Variants in EBF1 observed in about 807,000 individuals in gnomAD.
The protein encoded by EBF1 is EBF transcription factor 1.
Under a neutral mutation model 68.4 loss-of-function variants are expected in EBF1, and 10 were observed. That is an observed-to-expected ratio of 0.15 (90% CI 0.09 to 0.25). The LOEUF (loss-of-function observed/expected upper bound fraction) is 0.25. Ranked by LOEUF, EBF1 falls within the 10% of genes least tolerant of loss-of-function variation. The pLI is 1.00. For synonymous variants in EBF1, 298 were observed against 299.8 expected (o/e 0.99, Z 0.06); for missense variants, 509 against 794.4 (o/e 0.64, Z 4.32).
chr5:158,811,690 CT>C, intron 8 of EBF1, among the ~76,000 whole-genome samples: 1 of 152,202 alleles, frequency 6.6e-6, no homozygotes, highest in Admixed American at 6.5e-5. Flanking sequence ...GCTCTAAATG[CT>C]ACCATTTTAT....
chr5:158,699,877 T>C (rs968276480), intron 15 of EBF1, among the ~76,000 whole-genome samples: 4 of 152,178 alleles, frequency 2.6e-5, no homozygotes, highest in Admixed American at 1.3e-4. Context: ...AGAAGCCTGT[T>C]TGAGGTAACC....
rs538071323 is a variant in EBF1 at position 158,744,844 on chromosome 5, G to A, written c.1037-13687C>T. On this transcript the variant is annotated intron_variant, in intron 10 of 15. Coordinates refer to ENST00000313708, the MANE Select transcript of EBF1 (RefSeq NM_024007.5). ...AACCTTGAGCTGACTTTTAGATTTG[G>A]TTAATTCCTGTTAGTATATTTGGAG... 7.9e-5 allele frequency among the ~76,000 whole-genome samples: 12 copies of A among 152,260 alleles called. No individual in the cohort carries two copies. The East Asian group carries it at 2.3e-3, about 29-fold the overall frequency.
intron 14 of EBF1, among the ~76,000 whole-genome samples, chr5:158,711,498 G>T (rs1759295554): frequency 6.6e-6 from 1 of 152,184 alleles, no homozygotes; most frequent in Non-Finnish European, 1.5e-5. Flanking sequence ...TGGGGTGGGT[G>T]CTAGTTCCTT....
intron 6 of EBF1, among the ~76,000 whole-genome samples, chr5:159,004,442 C>T (rs1218452556): frequency 6.6e-6 from 1 of 152,132 alleles, no homozygotes; most frequent in Non-Finnish European, 1.5e-5. Flanking sequence ...GGTTCAACAG[C>T]TCTGACTTAC....
In EBF1 at chr5:158,698,885, C is replaced by CAAATACTTGGGAGGTACA. The variant is rs1756183308; in HGVS notation, c.*208_*225dup. ...GTCAATACAGAATAAATATATCCCC[C>CAAATACTTGGGAGGTACA]AAATACTTGGGAGGTACAACTTTAA... On this transcript the variant is annotated 3_prime_UTR_variant, in exon 16 of 16. Transcript: ENST00000313708. 4 of 426,564 alleles carry CAAATACTTGGGAGGTACA rather than the reference C, an allele frequency of 9.4e-6. No homozygotes were observed. The Admixed American group carries it at 1.2e-4, about 13-fold the overall frequency. 26.4% of individuals were successfully genotyped at this position (426,564 alleles called of 1,614,324 possible).
intron 6 of EBF1, among the ~76,000 whole-genome samples, chr5:158,998,740 T>A (rs1228301329): frequency 1.3e-5 from 2 of 152,168 alleles, no homozygotes; most frequent in Admixed American, 1.3e-4. Context: ...AGCACAAAAG[T>A]AGGCATATAA....
chr5:158,733,988 G>C (rs1453742601), intron 10 of EBF1, among the ~76,000 whole-genome samples: 2 of 152,116 alleles, frequency 1.3e-5, no homozygotes, highest in African/African-American at 4.8e-5. Context: ...GGGAAGTGGG[G>C]GATGGTTAAT....
intron 6 of EBF1, among the ~76,000 whole-genome samples, chr5:158,853,918 C>G (rs1793475879): frequency 6.6e-6 from 1 of 152,122 alleles, no homozygotes; most frequent in African/African-American, 2.4e-5. Flanking sequence ...AACTAGGCTG[C>G]ATGTAAAACC....
intron 15 of EBF1, among the ~76,000 whole-genome samples, chr5:158,699,639 C>A (rs1220223040): frequency 1.3e-5 from 2 of 152,156 alleles, no homozygotes; most frequent in African/African-American, 4.8e-5. Context: ...ATCTTGAGTG[C>A]CTTTGCTTAG....
chr5:158,820,905 C>A (rs1321407449), intron 8 of EBF1, among the ~76,000 whole-genome samples: 1 of 152,206 alleles, frequency 6.6e-6, no homozygotes, highest in Non-Finnish European at 1.5e-5. Flanking sequence ...TGGCTGCATT[C>A]TTCCTAAGTG....
intron 6 of EBF1, among the ~76,000 whole-genome samples, chr5:158,886,409 T>G (rs1461912301): frequency 1.3e-5 from 2 of 152,256 alleles, no homozygotes; most frequent in Non-Finnish European, 2.9e-5. Context: ...GCATTTGCTC[T>G]GCACTGGTGT....
intron 10 of EBF1, among the ~76,000 whole-genome samples, chr5:158,765,233 G>C (rs1184795373): frequency 3.9e-5 from 6 of 152,026 alleles, no homozygotes; most frequent in African/African-American, 1.4e-4. Context: ...CATTTTTCTA[G>C]TCTTAAAAAA....
intron 6 of EBF1, among the ~76,000 whole-genome samples, chr5:159,070,821 TATTTTCACA>T (rs1313137964): frequency 1.2e-4 from 18 of 152,202 alleles, no homozygotes; most frequent in Admixed American, 1.2e-3. Flanking sequence ...CCTCATAGCC[TATTTTCACA>T]AAATATTCAG....
At chr5:159,009,005 G>C (rs13190591) in intron 6 of EBF1, among the ~76,000 whole-genome samples, 2 of 152,154 alleles carry the variant, frequency 1.3e-5, no homozygotes, top group African/African-American at 2.4e-5. Context: ...ACCTTGGCCA[G>C]GGGGAAGCTC....
intron 8 of EBF1, among the ~76,000 whole-genome samples, chr5:158,800,654 T>C (rs1780418024): frequency 6.6e-6 from 1 of 152,192 alleles, no homozygotes; most frequent in Non-Finnish European, 1.5e-5. Context: ...ATTTTGGATA[T>C]GTTTTCTCTG....
intron 9 of EBF1, among the ~76,000 whole-genome samples, chr5:158,790,680 T>C (rs1000602356): frequency 2.0e-5 from 3 of 152,166 alleles, no homozygotes; most frequent in Admixed American, 6.5e-5. Context: ...CATCTCCCAA[T>C]GGGTATCTAT....
intron 6 of EBF1, among the ~76,000 whole-genome samples, chr5:159,015,516 T>A (rs1206742909): frequency 1.3e-5 from 2 of 152,190 alleles, no homozygotes; most frequent in Non-Finnish European, 2.9e-5. Flanking sequence ...GACCTGAACC[T>A]CAGGCTGGGA....
chr5:159,075,712 C>T (rs1778650128), intron 5 of EBF1, among the ~76,000 whole-genome samples: 1 of 152,192 alleles, frequency 6.6e-6, no homozygotes, highest in Non-Finnish European at 1.5e-5. Flanking sequence ...CATCTCACTG[C>T]CCAAGACTTT....
chr5:158,831,967 A>C (rs2127926118), intron 7 of EBF1, among the ~76,000 whole-genome samples: 1 of 152,314 alleles, frequency 6.6e-6, no homozygotes, highest in South Asian at 2.1e-4. Context: ...CAAATAAGAG[A>C]AAAAGTGGTA....
Sources: gnomAD v4.1 joint callset for allele counts (sites outside exome capture counted in the v4.1 genomes callset) on GRCh38, gnomAD v4.1.1 for gene constraint, MANE v1.5 for transcripts, NCBI Gene and HGNC (gene_info 2026-07-23, HGNC 2026-07-21) for gene names.